ATF7IP2: variants seen among roughly 807,000 people sequenced by gnomAD.
ATF7IP2 encodes the protein activating transcription factor 7-interacting protein 2.
Under a neutral mutation model 64.2 loss-of-function variants are expected in ATF7IP2, and 42 were observed. The observed-to-expected ratio is 0.65, with a 90% CI of 0.51 to 0.85. The LOEUF (loss-of-function observed/expected upper bound fraction) is 0.85. ATF7IP2 is among the 40% of genes least tolerant of loss of function. The pLI, the probability that ATF7IP2 is intolerant of heterozygous loss-of-function variation, is 0.00. For missense variants in ATF7IP2, 933 were observed against 784.2 expected (o/e 1.19, Z -2.27); for synonymous variants, 308 against 272.8 (o/e 1.13, Z -1.27).
intron 1 of ATF7IP2, among the ~76,000 whole-genome samples, chr16:10,402,162 A>C (rs1271902112): frequency 6.6e-6 from 1 of 151,932 alleles, no homozygotes; most frequent in East Asian, 1.9e-4. Context: ...TAGTCTCTTG[A>C]GGTACAATGT....
At chr16:10,420,710 G>T (rs111661708) in intron 3 of ATF7IP2, among the ~76,000 whole-genome samples, 19 of 152,326 alleles carry the variant, frequency 1.2e-4, no homozygotes, top group African/African-American at 4.1e-4. Flanking sequence ...TCATCTGTGT[G>T]AAATCGTAAC....
intron 9 of ATF7IP2, among the ~76,000 whole-genome samples, chr16:10,463,841 A>G (rs773761584): frequency 3.9e-5 from 6 of 152,224 alleles, no homozygotes; most frequent in African/African-American, 1.4e-4. Context: ...TACAGATTTT[A>G]TAAGACAGTG....
At chr16:10,404,650 C>T (rs1187800449) in intron 1 of ATF7IP2, among the ~76,000 whole-genome samples, 1 of 152,130 alleles carries the variant, frequency 6.6e-6, no homozygotes, top group Non-Finnish European at 1.5e-5. Flanking sequence ...TTAAGCAGTT[C>T]TCATGCCACT....
In ATF7IP2 at chr16:10,438,105, G is replaced by A; in HGVS notation, c.965G>A (p.Arg322Lys). The A allele has an allele frequency of 6.5e-7, 1 of 1,543,680 alleles. No homozygotes were observed. The highest frequency in any genetic ancestry group is 8.7e-7 in the Non-Finnish European group (1 of 1,151,400). ...GTTTTTATTTTAAAATTCTAGGTCA[G>A]ACATTTGATTCAGCAGGAGATCTAT... ...ERQTAFLEQV[R>K]HLIQQEIYSI... is the part of the protein sequence containing the mutation. The change falls in exon 7 of 14, where the codon AGA (arginine) becomes AAA (lysine). Residue 322 changes from arginine to lysine, a missense_variant. Transcript: ENST00000562102.
At chr16:10,395,608 T>G (rs1349093952) in intron 1 of ATF7IP2, among the ~76,000 whole-genome samples, 2 of 152,166 alleles carry the variant, frequency 1.3e-5, no homozygotes, top group African/African-American at 4.8e-5. Flanking sequence ...TGAGATTTAT[T>G]TCAGGAATGC....
At chr16:10,387,915 C>T (rs1169242652) in intron 1 of ATF7IP2, among the ~76,000 whole-genome samples, 1 of 116,044 alleles carries the variant, frequency 8.6e-6, no homozygotes, top group Non-Finnish European at 1.7e-5. Context: ...ATTTATTTTT[C>T]TTTGTGAGGC....
At chr16:10,452,421 A>G (rs964176598) in intron 8 of ATF7IP2, among the ~76,000 whole-genome samples, 1 of 152,256 alleles carries the variant, frequency 6.6e-6, no homozygotes, top group South Asian at 2.1e-4. Flanking sequence ...TTGCCTGGGT[A>G]TCACCAGCAG....
intron 3 of ATF7IP2, among the ~76,000 whole-genome samples, chr16:10,424,020 C>G (rs1393627099): frequency 6.6e-6 from 1 of 152,244 alleles, no homozygotes; most frequent in East Asian, 1.9e-4. Flanking sequence ...TTATTGATAG[C>G]AAGCCAGTGA....
chr16:10,390,338 C>A (rs917015210), intron 1 of ATF7IP2, among the ~76,000 whole-genome samples: 1 of 152,132 alleles, frequency 6.6e-6, no homozygotes, highest in Non-Finnish European at 1.5e-5. Flanking sequence ...AAGTAACATG[C>A]TTGTGAATAA....
At chr16:10,474,657 G>GA (rs1383150553) in intron 12 of ATF7IP2, among the ~76,000 whole-genome samples, 20 of 152,122 alleles carry the variant, frequency 1.3e-4, no homozygotes, top group African/African-American at 4.6e-4. Flanking sequence ...GGAATTTAAT[G>GA]AAAAGTATAA....
intron 12 of ATF7IP2, among the ~76,000 whole-genome samples, chr16:10,477,571 C>G (rs2050057548): frequency 6.6e-6 from 1 of 152,174 alleles, no homozygotes; most frequent in Admixed American, 6.5e-5. Flanking sequence ...TGGAAGCATT[C>G]CCTTTGAATA....
intron 1 of ATF7IP2, among the ~76,000 whole-genome samples, chr16:10,399,199 G>A (rs757539775): frequency 1.2e-4 from 19 of 152,018 alleles, no homozygotes; most frequent in Non-Finnish European, 1.8e-4. Context: ...ATTGTACAAC[G>A]GTATTGTTGA....
chr16:10,473,541 A>C lies in ATF7IP2; in HGVS notation c.1482+7A>C, dbSNP rs780968356. 1 of 1,530,474 alleles carries C rather than the reference A, an allele frequency of 6.5e-7. No individual in the cohort carries two copies. Among genetic ancestry groups the C allele is most frequent in the South Asian group, 1.2e-5 (1 of 85,814 alleles). 94.8% of individuals were successfully genotyped at this position (1,530,474 alleles called of 1,614,324 possible). ...TCCCAATGCTGAAGTTATGGTGAGT[A>C]ATAAATATTGACTCTGAATATTGTT... On this transcript the variant is annotated splice_region_variant and intron_variant, in intron 11 of 13. Transcript: ENST00000562102.
intron 5 of ATF7IP2, among the ~76,000 whole-genome samples, chr16:10,431,878 C>T (rs2048271121): frequency 7.2e-6 from 1 of 138,134 alleles, no homozygotes; most frequent in Admixed American, 7.9e-5. Flanking sequence ...GGCTGGAGTG[C>T]AGTGGCGCGA....
intron 6 of ATF7IP2, among the ~76,000 whole-genome samples, chr16:10,434,719 A>G (rs2048362345): frequency 3.9e-5 from 6 of 152,302 alleles, no homozygotes; most frequent in East Asian, 1.9e-4. Context: ...CCTAAGGACC[A>G]TGTTATTCAA....
chr16:10,459,375 G>T (rs2049294348), intron 9 of ATF7IP2, among the ~76,000 whole-genome samples: 1 of 152,104 alleles, frequency 6.6e-6, no homozygotes, highest in African/African-American at 2.4e-5. Flanking sequence ...GGCTGAGGCA[G>T]GAGAATGGCT....
chr16:10,459,185 T>G (rs145788869), intron 9 of ATF7IP2, among the ~76,000 whole-genome samples: 1 of 145,368 alleles, frequency 6.9e-6, no homozygotes, highest in African/African-American at 2.6e-5. Context: ...AATACAAAAT[T>G]AGGCCCGGTG....
intron 3 of ATF7IP2, among the ~76,000 whole-genome samples, chr16:10,427,698 T>C (rs1365358549): frequency 6.6e-6 from 1 of 151,964 alleles, no homozygotes; most frequent in Non-Finnish European, 1.5e-5. Flanking sequence ...TCCACAGAAT[T>C]TTTTTTACAA....
chr16:10,439,291 G>A (rs927576155), intron 7 of ATF7IP2, among the ~76,000 whole-genome samples: 10 of 151,868 alleles, frequency 6.6e-5, no homozygotes, highest in East Asian at 2.0e-4. Context: ...GTGCAGTGGC[G>A]CGATCTCGGC....
Sources: gnomAD v4.1 joint callset for allele counts (sites outside exome capture counted in the v4.1 genomes callset) on GRCh38, gnomAD v4.1.1 for gene constraint, MANE v1.5 for transcripts, NCBI Gene and HGNC (gene_info 2026-07-23, HGNC 2026-07-21) for gene names.